SNX24: variants seen among roughly 807,000 people sequenced by gnomAD.
SNX24 encodes sorting nexin-24.
A neutral mutation model predicts 28.7 loss-of-function variants in SNX24; 22 were observed. The ratio of observed to expected loss-of-function variants is 0.77; its 90% CI spans 0.55 to 1.10. The LOEUF (loss-of-function observed/expected upper bound fraction) is 1.10. SNX24 is among the 50% of genes least tolerant of loss of function. The pLI is 0.00. For synonymous variants in SNX24, 69 were observed against 71.5 expected, an observed-to-expected ratio of 0.96 and a Z score of 0.18; for missense variants, 221 against 201.1, an observed-to-expected ratio of 1.10 and a Z score of -0.60.
chr5:122,899,035 T>G (rs532877672), intron 1 of SNX24, among the ~76,000 whole-genome samples: 159 of 152,324 alleles, frequency 1.0e-3, no homozygotes, highest in Non-Finnish European at 1.2e-3. Flanking sequence ...TTTGAGAGCT[T>G]CTTTTCCTTG....
At chr5:123,024,605 A>C (rs1239884106) in intron 5 of SNX24, among the ~76,000 whole-genome samples, 1 of 152,220 alleles carries the variant, frequency 6.6e-6, no homozygotes, top group Admixed American at 6.5e-5. Context: ...AGTATTTCAC[A>C]CTGAAGTAGG....
At chr5:122,953,857 A>G (rs1332872702) in intron 3 of SNX24, among the ~76,000 whole-genome samples, 2 of 152,228 alleles carry the variant, frequency 1.3e-5, no homozygotes, top group African/African-American at 2.4e-5. Flanking sequence ...CACAGAAATC[A>G]AGACTAAGGA....
chr5:122,970,145 G>A (rs1760894198), intron 3 of SNX24, among the ~76,000 whole-genome samples: 1 of 149,186 alleles, frequency 6.7e-6, no homozygotes. Context: ...CATTTGCTCT[G>A]GGTCCTCTGG....
At chr5:122,848,871 G>A (rs1754772343) in intron 1 of SNX24, among the ~76,000 whole-genome samples, 1 of 152,014 alleles carries the variant, frequency 6.6e-6, no homozygotes, top group African/African-American at 2.4e-5. Flanking sequence ...TTTTCCTTGT[G>A]CTGTGAGCAC....
At chr5:122,854,957 A>G (rs989348031) in intron 1 of SNX24, among the ~76,000 whole-genome samples, 1 of 152,244 alleles carries the variant, frequency 6.6e-6, no homozygotes, top group Non-Finnish European at 1.5e-5. Context: ...TAAAAACTCT[A>G]ATGATCATCT....
intron 3 of SNX24, among the ~76,000 whole-genome samples, chr5:122,964,247 C>CAAAAAAAAAAAAAAAAAAA (rs34174497): frequency 4.4e-4 from 16 of 36,570 alleles, no homozygotes; most frequent in Non-Finnish European, 5.2e-4. Context: ...GACTCCATCT[C>CAAAAAAAAAAAAAAAAAAA]AAAAAAAAAA....
chr5:122,912,419 G>A (rs1195917014), intron 1 of SNX24, among the ~76,000 whole-genome samples: 6 of 151,998 alleles, frequency 3.9e-5, no homozygotes, highest in Admixed American at 3.3e-4. Context: ...TCTGCAAACC[G>A]GGACAATTTG....
At position 122,952,690 on chromosome 5, in the gene SNX24, T is replaced by C. The variant is rs1344673825; in HGVS notation, c.249+6531T>C. ...GAAAGAGATAATTTGGGACATAAAATATATCTCAAAAATTGATGTAATAAA... is the reference window on the plus strand; with the variant it reads ...GAAAGAGATAATTTGGGACATAAAACATATCTCAAAAATTGATGTAATAAA... On this transcript the variant is annotated intron_variant, in intron 3 of 6. Coordinates refer to ENST00000261369, the MANE Select transcript of SNX24 (RefSeq NM_014035.4). 2.0e-5 allele frequency among the ~76,000 whole-genome samples: 3 copies of C among 152,226 alleles called. No individual in the cohort carries two copies. The South Asian group carries it at 6.2e-4, about 31-fold the overall frequency.
chr5:122,847,282 C>T (rs1426289847), intron 1 of SNX24, among the ~76,000 whole-genome samples: 2 of 152,182 alleles, frequency 1.3e-5, no homozygotes, highest in South Asian at 2.1e-4. Flanking sequence ...GTGCTTTTCT[C>T]CCAAAGCTTT....
intron 1 of SNX24, among the ~76,000 whole-genome samples, chr5:122,921,999 C>T (rs543426374): frequency 3.9e-5 from 6 of 152,212 alleles, no homozygotes; most frequent in East Asian, 1.9e-4. Context: ...CTCTCTTTAG[C>T]GGCTCCTTAT....
chr5:122,957,706 A>G (rs1235730937), intron 3 of SNX24, among the ~76,000 whole-genome samples: 1 of 152,104 alleles, frequency 6.6e-6, no homozygotes, highest in Admixed American at 6.6e-5. Context: ...TCTTTCAGAC[A>G]TGTTTTGTAG....
At chr5:122,956,379 C>T (rs1425411935) in intron 3 of SNX24, among the ~76,000 whole-genome samples, 4,762 of 20,372 alleles carry the variant, frequency 0.23, 225 homozygotes, top group East Asian at 0.5. Context: ...CACACACACA[C>T]ACACACACAC....
In SNX24 at chr5:122,894,159, A is replaced by G. The variant is rs571383854; in HGVS notation, c.61-42575A>G. 2.4e-4 allele frequency among the ~76,000 whole-genome samples: 36 copies of G among 152,308 alleles called. 1 individual carries two copies. In the South Asian group the frequency reaches 7.5e-3, roughly 32 times the overall value. ...TCTTGATTTAAATGTAAATTTATAAATAAATAGAACATTTATTTGGTTTAA... is the reference window on the plus strand; with the variant it reads ...TCTTGATTTAAATGTAAATTTATAAGTAAATAGAACATTTATTTGGTTTAA... On this transcript the variant is annotated intron_variant, in intron 1 of 6. Coordinates refer to ENST00000261369, the MANE Select transcript of SNX24 (RefSeq NM_014035.4).
intron 1 of SNX24, among the ~76,000 whole-genome samples, chr5:122,866,504 A>G (rs554749835): frequency 2.6e-5 from 4 of 152,308 alleles, no homozygotes; most frequent in East Asian, 1.9e-4. Context: ...GCCTTCAGCA[A>G]GCACCTCCGC....
chr5:122,869,815 G>A lies in SNX24; in HGVS notation c.60+24122G>A, dbSNP rs555750924. 3.3e-5 allele frequency among the ~76,000 whole-genome samples: 5 copies of A among 151,880 alleles called. No individual in the cohort carries two copies. In the East Asian group the frequency reaches 9.7e-4, roughly 29 times the overall value. ...AGTTTTGCAGAAATAATCTGAGATA[G>A]CATTGAAAAAAGCAGTAATGGACTA... is the stretch of plus-strand genomic sequence containing the variant. On this transcript the variant is annotated intron_variant, in intron 1 of 6. Transcript: ENST00000261369.
intron 3 of SNX24, among the ~76,000 whole-genome samples, chr5:122,997,259 A>G (rs1455200219): frequency 6.6e-6 from 1 of 152,218 alleles, no homozygotes; most frequent in Non-Finnish European, 1.5e-5. Context: ...CTAACTCTCA[A>G]TGCTGCCTTC....
downstream of SNX24, among the ~76,000 whole-genome samples, chr5:123,012,816 A>G (rs148339007): frequency 9.1e-3 from 1,388 of 152,278 alleles, 6 homozygotes; most frequent in Non-Finnish European, 0.015. Context: ...CAACCTCTAC[A>G]ATCCTGAAAC....
chr5:122,992,140 A>G (rs2150167228), intron 3 of SNX24, among the ~76,000 whole-genome samples: 1 of 152,326 alleles, frequency 6.6e-6, no homozygotes, highest in South Asian at 2.1e-4. Flanking sequence ...GAAGCTAGAG[A>G]CACCTAATAT....
In SNX24 at chr5:122,936,801, A is replaced by C; in HGVS notation, c.128A>C (p.His43Pro). Residue 43 changes from histidine (H) to proline (P), a missense_variant, in exon 2 of 7, where the codon CAT becomes CCT. Transcript: ENST00000261369. ...HFVEKRYSEF[H>P]ALHKKLKKCI... ...GTTGAAAAGAGATACAGCGAATTTC[A>C]TGCTTTGCACAAAAAGGTAACTTGT... is the stretch of plus-strand genomic sequence containing the variant. 1.9e-6 allele frequency: 3 copies of C among 1,606,396 alleles called. No individual in the cohort carries two copies. Among genetic ancestry groups the C allele is most frequent in the Non-Finnish European group, 2.6e-6 (3 of 1,174,208 alleles).
Sources: allele counts gnomAD v4.1 joint callset (sites outside exome capture counted in the v4.1 genomes callset), GRCh38; gene constraint gnomAD v4.1.1; transcripts MANE v1.5; gene names NCBI Gene and HGNC (gene_info 2026-07-23, HGNC 2026-07-21).